ZNF423: variants seen among roughly 807,000 people sequenced by gnomAD.
ZNF423 encodes the protein zinc finger protein 423, also known as Ebf-associated zinc finger protein.
A neutral mutation model predicts 95.8 loss-of-function variants in ZNF423; 12 were observed. The ratio of observed to expected loss-of-function variants is 0.13; its 90% CI spans 0.08 to 0.20. The LOEUF (loss-of-function observed/expected upper bound fraction) is 0.20. Ranked by LOEUF, ZNF423 falls within the 10% of genes least tolerant of loss-of-function variation. The pLI, the probability that ZNF423 is intolerant of heterozygous loss-of-function variation, is 1.00. For synonymous variants in ZNF423, 749 were observed against 711.9 expected (o/e 1.05, Z -0.83); for missense variants, 1,316 against 1,737.1 (o/e 0.76, Z 4.31).
intron 5 of ZNF423, among the ~76,000 whole-genome samples, chr16:49,623,709 C>T (rs1457927888): frequency 6.6e-6 from 1 of 152,196 alleles, no homozygotes; most frequent in African/African-American, 2.4e-5. Flanking sequence ...GCCAAGCTCC[C>T]ACAGCCCCCA....
intron 5 of ZNF423, among the ~76,000 whole-genome samples, chr16:49,600,692 C>T (rs1442234705): frequency 2.6e-5 from 4 of 152,164 alleles, no homozygotes; most frequent in Non-Finnish European, 4.4e-5. Flanking sequence ...TACCCGCCAG[C>T]GGCAAGATTG....
intron 1 of ZNF423, among the ~76,000 whole-genome samples, chr16:49,845,758 G>T (rs2035239038): frequency 6.6e-6 from 1 of 151,936 alleles, no homozygotes; most frequent in Non-Finnish European, 1.5e-5. Flanking sequence ...TGCCCAGGCT[G>T]GTCTCGAACT....
In ZNF423 at chr16:49,795,033, G is replaced by A. The variant is rs545681698; in HGVS notation, c.41-5487C>T. Among the ~76,000 whole-genome samples, 6 of 152,140 alleles carry A rather than the reference G, an allele frequency of 3.9e-5. 1 individual carries two copies. The highest frequency in any genetic ancestry group is 9.6e-5 in the African/African-American group (4 of 41,506). ...ATTACAGGCGCTTATCACCATGCCCGGCTAAATTTTGTATTTGTAGTAGAA... is the reference window on the plus strand; with the variant it reads ...ATTACAGGCGCTTATCACCATGCCCAGCTAAATTTTGTATTTGTAGTAGAA... On this transcript the variant is annotated intron_variant, in intron 1 of 7. Transcript: ENST00000563137.
At chr16:49,666,106 G>C (rs1181511224) in intron 3 of ZNF423, among the ~76,000 whole-genome samples, 1 of 152,196 alleles carries the variant, frequency 6.6e-6, no homozygotes, top group Non-Finnish European at 1.5e-5. Context: ...GGAGAGCTGG[G>C]GAGACGGAAT....
At chr16:49,740,687 C>G (rs1596953288) in intron 2 of ZNF423, among the ~76,000 whole-genome samples, 1 of 152,230 alleles carries the variant, frequency 6.6e-6, no homozygotes, top group Non-Finnish European at 1.5e-5. Context: ...GATGGAATTT[C>G]AAGCCAAGGT....
chr16:49,652,307 A>G lies in ZNF423; in HGVS notation c.302-13433T>C, dbSNP rs983621829. On this transcript the variant is annotated intron_variant, in intron 3 of 7. Coordinates refer to ENST00000563137, the MANE Select transcript of ZNF423 (RefSeq NM_001379286.1). The stretch of plus-strand genomic sequence containing the variant: ...ACTTAGCACTGATATTGAAAATGCA[A>G]TTGAGCTCGAGTTTTATTGCAGAAA... Among the ~76,000 whole-genome samples, 6 of 152,156 alleles carry G rather than the reference A, an allele frequency of 3.9e-5. No homozygotes were observed. The South Asian group carries it at 6.2e-4, about 16-fold the overall frequency.
intron 3 of ZNF423, among the ~76,000 whole-genome samples, chr16:49,656,339 C>T (rs947376999): frequency 1.3e-5 from 2 of 151,962 alleles, no homozygotes; most frequent in Non-Finnish European, 2.9e-5. Flanking sequence ...GGTGAAACCC[C>T]GTCTCTACTA....
chr16:49,556,426 T>C (rs541050876), intron 5 of ZNF423, among the ~76,000 whole-genome samples: 2 of 152,316 alleles, frequency 1.3e-5, no homozygotes, highest in Admixed American at 6.5e-5. Context: ...ATTGATTTGC[T>C]AGCTGTCCTC....
chr16:49,613,914 T>C (rs1309543073), intron 5 of ZNF423, among the ~76,000 whole-genome samples: 1 of 152,026 alleles, frequency 6.6e-6, no homozygotes, highest in Non-Finnish European at 1.5e-5. Context: ...AGAAAATCTT[T>C]GCACCAAAGG....
intron 1 of ZNF423, among the ~76,000 whole-genome samples, chr16:49,805,787 A>T (rs973566527): frequency 6.6e-6 from 1 of 152,236 alleles, no homozygotes; most frequent in African/African-American, 2.4e-5. Context: ...ATGGGGATTT[A>T]AAAAATTCCA....
At chr16:49,779,910 T>C (rs2034182215) in intron 2 of ZNF423, among the ~76,000 whole-genome samples, 1 of 152,134 alleles carries the variant, frequency 6.6e-6, no homozygotes, top group African/African-American at 2.4e-5. Context: ...GGCAGGGCCA[T>C]GGGCTTGCTG....
At chr16:49,834,898 G>A (rs2035100685) in intron 1 of ZNF423, among the ~76,000 whole-genome samples, 1 of 152,022 alleles carries the variant, frequency 6.6e-6, no homozygotes, top group African/African-American at 2.4e-5. Flanking sequence ...GAGGGCTGGG[G>A]GAGGGGCCAA....
In ZNF423 at chr16:49,815,877, AAAAAATATATATATATATATAT is replaced by A. The variant is rs1567356104; in HGVS notation, c.41-26353_41-26332del. 2.8e-4 allele frequency among the ~76,000 whole-genome samples: 18 copies of A among 64,090 alleles called. 1 individual carries two copies. Among genetic ancestry groups the A allele is most frequent in the African/African-American group, 4.5e-4 (6 of 13,448 alleles). 42.0% of individuals were successfully genotyped at this position (64,090 alleles called of 152,430 possible). Reference sequence around the variant, plus strand: ...ATTCTAATTCCAAACAAACAAAAAAAAAAAATATATATATATATATATATATATATATATATATTTTTTTTTT... The same window carrying A: ...ATTCTAATTCCAAACAAACAAAAAAAATATATATATATATATTTTTTTTTT... On this transcript the variant is annotated intron_variant, in intron 1 of 7. Coordinates refer to ENST00000563137, the MANE Select transcript of ZNF423 (RefSeq NM_001379286.1).
At chr16:49,606,922 G>T (rs1384331509) in intron 5 of ZNF423, among the ~76,000 whole-genome samples, 5 of 152,290 alleles carry the variant, frequency 3.3e-5, no homozygotes, top group East Asian at 1.9e-4. Context: ...CCGGGTGGGG[G>T]TCTGCAGGGA....
chr16:49,773,274 C>T (rs1356199173), intron 2 of ZNF423, among the ~76,000 whole-genome samples: 1 of 152,018 alleles, frequency 6.6e-6, no homozygotes, highest in Non-Finnish European at 1.5e-5. Flanking sequence ...AGCCGAGATG[C>T]CACCATTGCA....
At chr16:49,702,090 G>C (rs1392427622) in intron 3 of ZNF423, among the ~76,000 whole-genome samples, 1 of 152,206 alleles carries the variant, frequency 6.6e-6, no homozygotes, top group African/African-American at 2.4e-5. Context: ...GGGGATGCCC[G>C]CAATAGAAAT....
intron 1 of ZNF423, among the ~76,000 whole-genome samples, chr16:49,832,422 C>T (rs181115384): frequency 1.2e-4 from 18 of 152,142 alleles, no homozygotes; most frequent in Non-Finnish European, 1.9e-4. Flanking sequence ...GGTGTGACCT[C>T]GCAAAGCGAC....
intron 7 of ZNF423, among the ~76,000 whole-genome samples, chr16:49,513,200 A>C (rs1211472499): frequency 6.6e-6 from 1 of 152,034 alleles, no homozygotes; most frequent in Non-Finnish European, 1.5e-5. Flanking sequence ...CAAGTGGCTG[A>C]CTCCAGCGTG....
chr16:49,559,810 C>G (rs192780851), intron 5 of ZNF423, among the ~76,000 whole-genome samples: 1 of 152,266 alleles, frequency 6.6e-6, no homozygotes, highest in African/African-American at 2.4e-5. Flanking sequence ...CTAACATTTT[C>G]AAACAAAGAT....
Sources: allele counts gnomAD v4.1 joint callset (sites outside exome capture counted in the v4.1 genomes callset), GRCh38; gene constraint gnomAD v4.1.1; transcripts MANE v1.5; gene names NCBI Gene and HGNC (gene_info 2026-07-23, HGNC 2026-07-21).